XKR6: variants seen among roughly 807,000 people sequenced by gnomAD.
The protein encoded by XKR6 is XK related 6.
XKR6 carries 22 observed loss-of-function variants against 56.7 expected under a neutral mutation model. The ratio of observed to expected loss-of-function variants is 0.39; its 90% CI spans 0.28 to 0.55. The LOEUF (loss-of-function observed/expected upper bound fraction) is 0.55. XKR6 is among the 20% of genes least tolerant of loss of function. The pLI, the probability that XKR6 is intolerant of heterozygous loss-of-function variation, is 0.66. For synonymous variants in XKR6, 524 were observed against 387.8 expected, an observed-to-expected ratio of 1.35 and a Z score of -4.13; for missense variants, 852 against 889.0, an observed-to-expected ratio of 0.96 and a Z score of 0.53.
At chr8:11,088,604 G>T (rs1028402188) in intron 1 of XKR6, among the ~76,000 whole-genome samples, 6 of 152,198 alleles carry the variant, frequency 3.9e-5, no homozygotes, top group African/African-American at 1.4e-4. Flanking sequence ...AGACAAGAGG[G>T]AGTGCATGGT....
intron 1 of XKR6, among the ~76,000 whole-genome samples, chr8:11,054,912 T>G (rs553065704): frequency 2.0e-5 from 3 of 152,148 alleles, no homozygotes; most frequent in Non-Finnish European, 2.9e-5. Context: ...TCCTAATTCA[T>G]GCAAAGGCCC....
At chr8:11,000,955 T>C (rs1442374960) in intron 1 of XKR6, among the ~76,000 whole-genome samples, 1 of 152,158 alleles carries the variant, frequency 6.6e-6, no homozygotes, top group African/African-American at 2.4e-5. Context: ...CAGCCTTTGC[T>C]TTTCTGGCAG....
At chr8:11,043,264 C>A (rs906338811) in intron 1 of XKR6, among the ~76,000 whole-genome samples, 1 of 151,978 alleles carries the variant, frequency 6.6e-6, no homozygotes, top group African/African-American at 2.4e-5. Context: ...CACTCAAACA[C>A]TGGTGAGGAT....
chr8:10,974,558 A>T (rs1363300425), intron 1 of XKR6, among the ~76,000 whole-genome samples: 1 of 152,230 alleles, frequency 6.6e-6, no homozygotes, highest in East Asian at 1.9e-4. Flanking sequence ...TTTGCAGGAA[A>T]AGTAATTTTT....
chr8:11,185,087 C>T (rs1803200650), intron 1 of XKR6, among the ~76,000 whole-genome samples: 1 of 152,118 alleles, frequency 6.6e-6, no homozygotes, highest in Non-Finnish European at 1.5e-5. Context: ...TTTACCTGGT[C>T]CCAGTCTAAG....
chr8:11,135,133 C>T (rs901827823), intron 1 of XKR6, among the ~76,000 whole-genome samples: 7 of 151,584 alleles, frequency 4.6e-5, no homozygotes, highest in Non-Finnish European at 8.8e-5. Flanking sequence ...CCCGGGTTCA[C>T]GCCATTCTGC....
intron 1 of XKR6, among the ~76,000 whole-genome samples, chr8:11,093,684 C>T (rs140054751): frequency 0.011 from 1,656 of 152,258 alleles, 20 homozygotes; most frequent in African/African-American, 0.029. Context: ...CTTCAAGTCA[C>T]GCCTATCTTT....
intron 1 of XKR6, among the ~76,000 whole-genome samples, chr8:11,097,762 A>T (rs1327065779): frequency 2.1e-5 from 3 of 142,850 alleles, no homozygotes; most frequent in African/African-American, 8.2e-5. Context: ...AGCCAAGATC[A>T]CGCCACCGCA....
chr8:11,179,490 C>G (rs1292547336), intron 1 of XKR6, among the ~76,000 whole-genome samples: 1 of 151,738 alleles, frequency 6.6e-6, no homozygotes, highest in Non-Finnish European at 1.5e-5. Context: ...TTAAATACTT[C>G]CCTGATATGC....
intron 1 of XKR6, among the ~76,000 whole-genome samples, chr8:11,054,629 C>A (rs991747076): frequency 6.6e-6 from 1 of 152,232 alleles, no homozygotes; most frequent in African/African-American, 2.4e-5. Context: ...GCAGTCACTT[C>A]TCCTTCCTGC....
chr8:11,133,658 AG>A (rs1800230370), intron 1 of XKR6, among the ~76,000 whole-genome samples: 1 of 152,154 alleles, frequency 6.6e-6, no homozygotes, highest in Non-Finnish European at 1.5e-5. Context: ...GCATGCTGGC[AG>A]GGCTATACCT....
rs201466981 is a variant in XKR6, at chr8:11,200,914, G to A, written c.426C>T (p.Asp142=). Residue 142 remains aspartate, a synonymous_variant, in exon 1 of 3, where the codon GAC becomes GAT. Coordinates refer to ENST00000416569, the MANE Select transcript of XKR6 (RefSeq NM_173683.4). This position sits in a 1 kb window ranked among gnomAD's most constrained non-coding sequence, Gnocchi z 6.4. ...IVLALLVFFG[D]VGTDLWLALD... ...GGGCCAGCCACAGGTCGGTGCCCAC[G>A]TCCCCGAAGAACACCAGCAGCGCCA... 1.9e-6 allele frequency: 3 copies of A among 1,609,052 alleles called. No individual in the cohort carries two copies. Among genetic ancestry groups the A allele is most frequent in the South Asian group, 1.1e-5 (1 of 90,930 alleles).
At chr8:11,149,435 G>A (rs1801156344) in intron 1 of XKR6, among the ~76,000 whole-genome samples, 1 of 152,148 alleles carries the variant, frequency 6.6e-6, no homozygotes, top group South Asian at 2.1e-4. Flanking sequence ...ACACCAAAAT[G>A]TCATTATGCA....
chr8:11,111,145 C>T (rs186993034), intron 1 of XKR6, among the ~76,000 whole-genome samples: 1 of 151,998 alleles, frequency 6.6e-6, no homozygotes, highest in South Asian at 2.1e-4. Context: ...TGAGCCACTG[C>T]GCCTGCCCAA....
chr8:10,905,409 G>C (rs1023325843), intron 2 of XKR6, among the ~76,000 whole-genome samples: 7 of 152,054 alleles, frequency 4.6e-5, no homozygotes, highest in African/African-American at 1.7e-4. Flanking sequence ...GCCATTTCTT[G>C]AGCTCTTTAT....
chr8:11,019,480 T>G (rs1026489598), intron 1 of XKR6, among the ~76,000 whole-genome samples: 1 of 152,212 alleles, frequency 6.6e-6, no homozygotes, highest in Non-Finnish European at 1.5e-5. Context: ...GGAGGTGGGC[T>G]GCTGGGCTGC....
intron 1 of XKR6, among the ~76,000 whole-genome samples, chr8:10,961,904 T>C (rs938326018): frequency 2.6e-5 from 4 of 152,212 alleles, no homozygotes; most frequent in African/African-American, 7.2e-5. Flanking sequence ...AGAATCATTG[T>C]TTCATTGACA....
intron 2 of XKR6, among the ~76,000 whole-genome samples, chr8:10,901,053 TTC>T (rs1800023238): frequency 8.7e-6 from 1 of 114,496 alleles, no homozygotes; most frequent in Non-Finnish European, 1.9e-5. Flanking sequence ...GAGTTTCTAC[TTC>T]TTTTTTTTTT....
intron 1 of XKR6, among the ~76,000 whole-genome samples, chr8:10,942,047 G>A (rs933214838): frequency 1.3e-5 from 2 of 152,162 alleles, no homozygotes; most frequent in Admixed American, 6.5e-5. Context: ...TATCCCCTCT[G>A]AGGGATTTTT....
Sources: gnomAD v4.1 joint callset for allele counts (sites outside exome capture counted in the v4.1 genomes callset) on GRCh38, gnomAD v4.1.1 for gene constraint, Gnocchi (gnomAD v3.1) non-coding constraint, MANE v1.5 for transcripts, NCBI Gene and HGNC (gene_info 2026-07-23, HGNC 2026-07-21) for gene names.